The following PSMD5 variants were observed in gnomAD, a reference collection of about 807,000 sequenced individuals.
PSMD5 encodes the protein proteasome 26S subunit, non-ATPase 5.
A neutral mutation model predicts 52.1 loss-of-function variants in PSMD5; 40 were observed. That is an observed-to-expected ratio of 0.77 (90% CI 0.60 to 1.00). The LOEUF (loss-of-function observed/expected upper bound fraction) is 1.00. Among genes scored for constraint, PSMD5 ranks in the 50% least tolerant of loss-of-function variants. The pLI, the probability that PSMD5 is intolerant of heterozygous loss-of-function variation, is 0.00. For synonymous variants in PSMD5, 211 were observed against 226.6 expected, an observed-to-expected ratio of 0.93 and a Z score of 0.62; for missense variants, 575 against 605.2, an observed-to-expected ratio of 0.95 and a Z score of 0.52.
Position 120,820,894 on chromosome 9 carries a change from C to G in PSMD5, c.1202G>C (p.Gly401Ala), listed in dbSNP as rs142816865. The G allele has an allele frequency of 3.1e-6, 5 of 1,608,488 alleles. No individual in the cohort carries two copies. Among genetic ancestry groups the G allele is most frequent in the Non-Finnish European group, 4.2e-6 (5 of 1,178,532 alleles). Residue 401 changes from glycine to alanine, a missense_variant, in exon 9 of 10, where the codon GGC (glycine) becomes GCC (alanine). Transcript: ENST00000210313. ...TTCAGGGAAGGGCTGACTACTAATG[C>G]CACGGAAGAGCTCCAGTGGATCCCG... ...LSRDPLELFR[G>A]ISSQPFPELH...
chr9:120,836,994 A>G (rs1182947791), intron 1 of PSMD5, among the ~76,000 whole-genome samples: 1 of 150,286 alleles, frequency 6.7e-6, no homozygotes, highest in East Asian at 2.0e-4. Flanking sequence ...GGTTCAAGCG[A>G]TTCTCCTGCC....
intron 1 of PSMD5, among the ~76,000 whole-genome samples, chr9:120,839,105 T>C (rs1020770085): frequency 6.6e-6 from 1 of 152,132 alleles, no homozygotes; most frequent in Non-Finnish European, 1.5e-5. Context: ...GGACAGAATA[T>C]GGACAGACAG....
intron 5 of PSMD5, among the ~76,000 whole-genome samples, chr9:120,828,138 A>G (rs1209369841): frequency 6.6e-6 from 1 of 152,132 alleles, no homozygotes; most frequent in Non-Finnish European, 1.5e-5. Flanking sequence ...CTAGGATTAC[A>G]GGCACCCACC....
At chr9:120,830,267 G>C (rs1182324881) in intron 4 of PSMD5, among the ~76,000 whole-genome samples, 1 of 152,172 alleles carries the variant, frequency 6.6e-6, no homozygotes, top group Non-Finnish European at 1.5e-5. Flanking sequence ...GGTGGATAAG[G>C]AAGATCAGGA....
intron 1 of PSMD5, among the ~76,000 whole-genome samples, chr9:120,838,464 C>G (rs1280388766): frequency 9.2e-5 from 14 of 152,198 alleles, no homozygotes; most frequent in African/African-American, 2.7e-4. Context: ...TGTCAAGATT[C>G]TAACTTACAT....
chr9:120,828,951 T>G, intron 5 of PSMD5, 148 bp downstream of exon 5: 3 of 1,163,056 alleles, frequency 2.6e-6, no homozygotes, highest in Non-Finnish European at 3.3e-6. Context: ...CTTGAACAAT[T>G]TTCTAAAGAT....
intron 1 of PSMD5, among the ~76,000 whole-genome samples, chr9:120,841,345 C>T (rs543987672): frequency 5.9e-5 from 9 of 152,028 alleles, no homozygotes; most frequent in East Asian, 2.0e-4. Flanking sequence ...TTTGGGAGGC[C>T]GAGGCGGGCG....
intron 1 of PSMD5, among the ~76,000 whole-genome samples, chr9:120,837,921 C>A (rs1031132301): frequency 2.6e-5 from 4 of 152,186 alleles, no homozygotes; most frequent in Admixed American, 6.5e-5. Flanking sequence ...GACTTACACT[C>A]AACAATAAAA....
chr9:120,820,324 C>G (rs1168913561), intron 9 of PSMD5, among the ~76,000 whole-genome samples: 1 of 152,162 alleles, frequency 6.6e-6, no homozygotes, highest in East Asian at 1.9e-4. Context: ...TAAATAAATG[C>G]AACATATGAG....
chr9:120,823,217 T>TCTTTC (rs111535021), intron 7 of PSMD5, among the ~76,000 whole-genome samples: 2 of 150,802 alleles, frequency 1.3e-5, no homozygotes, highest in Admixed American at 1.3e-4. Context: ...TTTCTTTCTT[T>TCTTTC]TTTTTTTTTT....
At chr9:120,828,987 A>G (rs2045142136) in intron 5 of PSMD5, 112 bp downstream of exon 5, 1 of 1,326,314 alleles carries the variant, frequency 7.5e-7, no homozygotes, top group Non-Finnish European at 9.8e-7. Flanking sequence ...CACATCAGTC[A>G]TGAGATTGCA....
At chr9:120,832,389 C>G (rs1008833991) in intron 2 of PSMD5, among the ~76,000 whole-genome samples, 7 of 149,746 alleles carry the variant, frequency 4.7e-5, no homozygotes, top group Non-Finnish European at 8.9e-5. Flanking sequence ...CCCTTTCCCC[C>G]AACCTTTTTT....
chr9:120,836,529 T>C lies in PSMD5; in HGVS notation c.174-3073A>G, dbSNP rs529957150. 3.3e-5 allele frequency among the ~76,000 whole-genome samples: 5 copies of C among 151,938 alleles called. No homozygotes were observed. In the South Asian group the frequency reaches 1.0e-3, roughly 32 times the overall value. ...CTCCTGCCTCAGCCTCCCGAGTAGC[T>C]GGGATCACAGGTGTCTGCCACCAAG... On this transcript the variant is annotated intron_variant, in intron 1 of 9. Transcript: ENST00000210313.
chr9:120,842,487 G>C, intron 1 of PSMD5: 1 of 552,932 alleles, frequency 1.8e-6, no homozygotes, highest in East Asian at 3.1e-5. Context: ...ATTTGATGAA[G>C]AAGGCAGTGC....
chr9:120,829,393 T>G (rs2045145347), intron 4 of PSMD5, among the ~76,000 whole-genome samples, 185 bp from the exon 5 acceptor site: 2 of 151,936 alleles, frequency 1.3e-5, no homozygotes, highest in South Asian at 2.1e-4. Context: ...TGGCACAGAT[T>G]ATTATTATTA....
chr9:120,827,973 G>A (rs1025897235), intron 5 of PSMD5, among the ~76,000 whole-genome samples: 1 of 152,100 alleles, frequency 6.6e-6, no homozygotes, highest in Admixed American at 6.5e-5. Context: ...GCTTTCTATG[G>A]TCAATTAGCT....
chr9:120,839,796 ATC>A (rs1285841426), intron 1 of PSMD5, among the ~76,000 whole-genome samples: 8 of 136,614 alleles, frequency 5.9e-5, no homozygotes, highest in South Asian at 2.3e-4. Context: ...TGTTTTTTTA[ATC>A]TTTTTTTTTT....
chr9:120,834,675 G>T (rs946823230), intron 1 of PSMD5, among the ~76,000 whole-genome samples: 2 of 152,222 alleles, frequency 1.3e-5, no homozygotes, highest in African/African-American at 2.4e-5. Context: ...ATTCTAACAG[G>T]TATTTTATGT....
intron 7 of PSMD5, among the ~76,000 whole-genome samples, 161 bp from the exon 8 acceptor site, chr9:120,821,625 A>G (rs761973278): frequency 1.2e-4 from 19 of 152,190 alleles, no homozygotes; most frequent in Non-Finnish European, 2.6e-4. Flanking sequence ...TTTTTCATCA[A>G]CCCAAACTGA....
Sources: gnomAD v4.1 joint callset for allele counts (sites outside exome capture counted in the v4.1 genomes callset) on GRCh38, gnomAD v4.1.1 for gene constraint, MANE v1.5 for transcripts, NCBI Gene and HGNC (gene_info 2026-07-23, HGNC 2026-07-21) for gene names.